The following TAF5L variants were observed in gnomAD, a reference collection of about 807,000 sequenced individuals.
The protein encoded by TAF5L is TATA-box binding protein associated factor 5 like.
In TAF5L, 7 loss-of-function variants were observed where a neutral mutation model predicts 51.3. The observed-to-expected ratio is 0.14, with a 90% confidence interval of 0.08 to 0.26. The LOEUF is 0.26. Among genes scored for constraint, TAF5L ranks in the 10% least tolerant of loss-of-function variants. TAF5L has a pLI of 1.00. For synonymous variants in TAF5L, 291 were observed against 308.1 expected (o/e 0.94, Z 0.58); for missense variants, 575 against 758.9 (o/e 0.76, Z 2.85).
chr1:229,617,616 T>C (rs6697418), intron 1 of TAF5L, among the ~76,000 whole-genome samples: 66,410 of 152,054 alleles, frequency 0.44, 15,023 homozygotes, highest in East Asian at 0.74. Context: ...GTGAAAGACA[T>C]GTGAATGACT....
chr1:229,596,687 T>A (rs1478971040), intron 4 of TAF5L, among the ~76,000 whole-genome samples: 1 of 152,236 alleles, frequency 6.6e-6, no homozygotes, highest in African/African-American at 2.4e-5. Flanking sequence ...TCAAAATTCA[T>A]TTCCCTTTAT....
At chr1:229,612,856 C>T (rs1571847372) in intron 2 of TAF5L, among the ~76,000 whole-genome samples, 1 of 152,200 alleles carries the variant, frequency 6.6e-6, no homozygotes. Flanking sequence ...AGCCCAGGAA[C>T]AAAGAAGAGA....
chr1:229,606,375 T>C (rs948484010), intron 3 of TAF5L: 47 of 966,926 alleles, frequency 4.9e-5, no homozygotes, highest in Non-Finnish European at 5.3e-5. Flanking sequence ...AAGTACACTT[T>C]TTCTTCCTTC....
At chr1:229,612,091 C>T (rs1242990401) in intron 2 of TAF5L, among the ~76,000 whole-genome samples, 6 of 152,230 alleles carry the variant, frequency 3.9e-5, no homozygotes, top group Non-Finnish European at 8.8e-5. Context: ...CAAATCGTAG[C>T]TATCTCTAGA....
In TAF5L at chr1:229,594,862, C is replaced by A; in HGVS notation, c.1205G>T (p.Gly402Val). Reference sequence around the variant, plus strand: ...CAGCCTGGCGGTGCGGTCGTGGGACCCGCTGGCGAAGTACAGGCTATATGG... The same window carrying A: ...CAGCCTGGCGGTGCGGTCGTGGGACACGCTGGCGAAGTACAGGCTATATGG... The change falls in exon 5 of 5, where the codon GGG (glycine) becomes GTG (valine). Residue 402 changes from glycine (G) to valine (V), a missense_variant. By Grantham distance (109) the Gly-to-Val change is moderately radical. Transcript: ENST00000258281. This position sits in a 1 kb window ranked among gnomAD's most constrained non-coding sequence, Gnocchi z 7.9. 6.2e-7 allele frequency: 1 copy of A among 1,614,182 alleles called. No homozygotes were observed. The highest frequency in any genetic ancestry group is 8.5e-7 in the Non-Finnish European group (1 of 1,180,020).
chr1:229,624,971 A>C (rs546906459), intron 1 of TAF5L, among the ~76,000 whole-genome samples: 4 of 152,340 alleles, frequency 2.6e-5, no homozygotes, highest in Admixed American at 2.6e-4. Flanking sequence ...GCTTGTTAGC[A>C]GGAGTCACCA....
chr1:229,595,167 G>A, intron 4 of TAF5L, 73 bp from the exon 5 acceptor site: 1 of 1,466,740 alleles, frequency 6.8e-7, no homozygotes, highest in Non-Finnish European at 9.1e-7. Flanking sequence ...AGGAAAACAA[G>A]TCCAGGAGAA....
chr1:229,594,181 G>A lies in TAF5L; in HGVS notation c.*116C>T. The A allele has an allele frequency of 3.3e-6, 4 of 1,225,986 alleles. No individual in the cohort carries two copies. Among genetic ancestry groups the A allele is most frequent in the Non-Finnish European group, 4.5e-6 (4 of 888,408 alleles). The allele number at this position is 1,225,986 out of a possible 1,614,324, so 75.9% of individuals were successfully genotyped here. On this transcript the variant is annotated 3_prime_UTR_variant, in exon 5 of 5. Coordinates refer to ENST00000258281, the Ensembl canonical transcript of TAF5L. This position sits in a 1 kb window ranked among gnomAD's most constrained non-coding sequence, Gnocchi z 7.9. ...GGGACCTGCCCGGAATGAGGGCCCA[G>A]GAGAGAGGGGAGGAGGGGGCTCTTT...
At chr1:229,601,774 G>A (rs1664384144) in intron 4 of TAF5L, 1 of 1,015,636 alleles carries the variant, frequency 9.8e-7, no homozygotes, top group Middle Eastern at 5.0e-4. Flanking sequence ...ACAACCTTCT[G>A]TGGGGAAAAT....
At chr1:229,621,185 A>G (rs1000542859) in intron 1 of TAF5L, among the ~76,000 whole-genome samples, 1 of 152,242 alleles carries the variant, frequency 6.6e-6, no homozygotes, top group Non-Finnish European at 1.5e-5. Context: ...TTAAGTAGTC[A>G]TAAGTGGCCA....
At chr1:229,605,935 G>A (rs1198768175) in intron 3 of TAF5L, among the ~76,000 whole-genome samples, 2 of 152,088 alleles carry the variant, frequency 1.3e-5, no homozygotes, top group Non-Finnish European at 2.9e-5. Flanking sequence ...TGTTTCTTTC[G>A]AGAACTGTGA....
intron 4 of TAF5L, among the ~76,000 whole-genome samples, chr1:229,597,589 G>A: frequency 6.6e-6 from 1 of 152,268 alleles, no homozygotes; most frequent in African/African-American, 2.4e-5. Context: ...AGGGCCCAAC[G>A]CCATGGGTTT....
Position 229,597,513 on chromosome 1 carries a change from C to T in TAF5L, c.973-2419G>A, listed in dbSNP as rs371210114. 7.2e-5 allele frequency among the ~76,000 whole-genome samples: 11 copies of T among 152,288 alleles called. No homozygotes were observed. In the East Asian group the frequency reaches 2.1e-3, roughly 29 times the overall value. On this transcript the variant is annotated intron_variant, in intron 4 of 4. Transcript: ENST00000258281. ...AGGACCACAGCTTAAAATAACCCAG[C>T]CACATTTTCTGTGTGGCTCAACCAG... is the stretch of plus-strand genomic sequence containing the variant.
chr1:229,599,276 T>G (rs1461164746), intron 4 of TAF5L: 3 of 599,344 alleles, frequency 5.0e-6, no homozygotes, highest in East Asian at 3.5e-4. Context: ...TGTTATCCTG[T>G]TTTTTTTTTT....
At chr1:229,607,339 C>G (rs1433504977) in intron 3 of TAF5L, 6 of 985,326 alleles carry the variant, frequency 6.1e-6, no homozygotes, top group Non-Finnish European at 7.2e-6. Flanking sequence ...CACAGTCAGT[C>G]TCCCTGCCAT....
chr1:229,609,851 T>C (rs779002364), intron 3 of TAF5L, among the ~76,000 whole-genome samples: 6 of 152,260 alleles, frequency 3.9e-5, no homozygotes, highest in Non-Finnish European at 8.8e-5. Context: ...AACCTCGTGA[T>C]TGAACTCTTC....
intron 4 of TAF5L, chr1:229,600,877 C>T: frequency 1.0e-6 from 1 of 984,832 alleles, no homozygotes; most frequent in Non-Finnish European, 1.2e-6. Context: ...GAATAATCTC[C>T]AAACTCTGTA....
In TAF5L at chr1:229,616,584, G is replaced by A. The variant is rs1460280789; in HGVS notation, c.-3-2099C>T. On this transcript the variant is annotated intron_variant, in intron 1 of 4. Coordinates refer to ENST00000258281, the Ensembl canonical transcript of TAF5L. The stretch of plus-strand genomic sequence containing the variant: ...CAGTTTCTTTTAGTGTATGTGTGGT[G>A]AATAACCAAACAAATGTTTTGCCCA... 5.3e-5 allele frequency among the ~76,000 whole-genome samples: 8 copies of A among 152,052 alleles called. No individual in the cohort carries two copies. In the East Asian group the frequency reaches 1.2e-3, roughly 22 times the overall value.
At chr1:229,601,899 T>TA (rs1376131267) in intron 4 of TAF5L, 6 of 1,157,786 alleles carry the variant, frequency 5.2e-6, no homozygotes, top group Non-Finnish European at 6.4e-6. Context: ...AAATCTCAGC[T>TA]AAAGTCAATA....
Sources: gnomAD v4.1 joint callset for allele counts (sites outside exome capture counted in the v4.1 genomes callset) on GRCh38, gnomAD v4.1.1 for gene constraint, Gnocchi (gnomAD v3.1) non-coding constraint, MANE v1.5 for transcripts, NCBI Gene and HGNC (gene_info 2026-07-23, HGNC 2026-07-21) for gene names.